KAZN: variants seen among roughly 807,000 people sequenced by gnomAD.
The protein encoded by KAZN is kazrin, periplakin interacting protein.
In KAZN, 40 loss-of-function variants were observed where a neutral mutation model predicts 87.4. The observed-to-expected ratio is 0.46, with a 90% CI of 0.36 to 0.60. The LOEUF (loss-of-function observed/expected upper bound fraction) is 0.60. Among genes scored for constraint, KAZN ranks in the 20% least tolerant of loss-of-function variants. The probability of loss-of-function intolerance (pLI) is 0.00; values close to 1 mark genes in which losing one functional copy is unlikely to be tolerated. For synonymous variants in KAZN, 466 were observed against 458.3 expected (o/e 1.02, Z -0.22); for missense variants, 898 against 1,073.9 (o/e 0.84, Z 2.29).
At chr1:13,909,962 G>A (rs1639589951) in intron 1 of KAZN, among the ~76,000 whole-genome samples, 1 of 152,174 alleles carries the variant, frequency 6.6e-6, no homozygotes, top group Non-Finnish European at 1.5e-5. Flanking sequence ...CCTGAGTGGA[G>A]AAGGCTGATT....
At chr1:14,092,857 C>A (rs1332520535) in intron 1 of KAZN, among the ~76,000 whole-genome samples, 1 of 152,090 alleles carries the variant, frequency 6.6e-6, no homozygotes, top group Non-Finnish European at 1.5e-5. Flanking sequence ...TTTTTCTGTG[C>A]TATTAAAGTT....
chr1:15,034,722 G>A (rs771989855), intron 2 of KAZN, 27 bp from the exon 3 acceptor site: 2 of 1,613,592 alleles, frequency 1.2e-6, no homozygotes, highest in Middle Eastern at 1.7e-4. Flanking sequence ...TGGGGTCTTG[G>A]GAACTAACTC....
intron 1 of KAZN, among the ~76,000 whole-genome samples, chr1:14,917,328 T>A (rs1657919786): frequency 6.6e-6 from 1 of 152,094 alleles, no homozygotes. Context: ...GAAGAGGAGA[T>A]CAGCACCATC....
chr1:14,233,674 T>C (rs995739864), intron 2 of KAZN, among the ~76,000 whole-genome samples: 1 of 152,210 alleles, frequency 6.6e-6, no homozygotes, highest in African/African-American at 2.4e-5. Context: ...TTCTTAATAA[T>C]GCAAATGCAG....
intron 1 of KAZN, among the ~76,000 whole-genome samples, chr1:14,635,192 G>T (rs1679874955): frequency 6.6e-6 from 1 of 152,214 alleles, no homozygotes; most frequent in Non-Finnish European, 1.5e-5. Context: ...GATTAGGGAG[G>T]TGCACAGTTC....
intron 2 of KAZN, among the ~76,000 whole-genome samples, chr1:15,026,230 G>A (rs922249268): frequency 6.6e-6 from 1 of 152,162 alleles, no homozygotes; most frequent in Admixed American, 6.5e-5. Flanking sequence ...GCCACGGGGA[G>A]CTGGAAGATA....
chr1:13,978,863 G>T lies in KAZN; in HGVS notation c.91+85107G>T, dbSNP rs148820141. On this transcript the variant is annotated intron_variant, in intron 1 of 16. Coordinates refer to the KAZN transcript ENST00000636203. The stretch of plus-strand genomic sequence containing the variant: ...TGCCTATAAGCCTAGCATTTTGGGA[G>T]GCTGAGGTGGGAGGATCGCTTGAGC... Among the ~76,000 whole-genome samples, 781 of 152,184 alleles carry T rather than the reference G, an allele frequency of 5.1e-3. 7 individuals carry two copies. Among genetic ancestry groups the T allele is most frequent in the African/African-American group, 0.018 (752 of 41,510 alleles).
Position 15,094,668 on chromosome 1 carries a change from T to C in KAZN, c.1429-147T>C. 3 of 654,362 alleles carry C rather than the reference T, an allele frequency of 4.6e-6. No individual in the cohort carries two copies. Among genetic ancestry groups the C allele is most frequent in the Non-Finnish European group, 5.2e-6 (2 of 382,710 alleles). The allele number at this position is 654,362 out of a possible 1,614,324, so 40.5% of individuals were successfully genotyped here. A position where few individuals can be genotyped will look rare whatever the true frequency, so the allele number is the denominator to read the frequency against. Reference sequence around the variant, plus strand: ...CAGGGATTCCGCCCCACATCAGAGTTGCAGAGGTTTCCATGTGCCCTGACC... The same window carrying C: ...CAGGGATTCCGCCCCACATCAGAGTCGCAGAGGTTTCCATGTGCCCTGACC... On this transcript the variant is annotated intron_variant, in intron 9 of 14. Coordinates refer to ENST00000376030, the MANE Select transcript of KAZN (RefSeq NM_201628.3). The surrounding 1 kb of genome is among the most constrained non-coding windows in gnomAD (Gnocchi z 4.5).
chr1:14,489,594 C>A (rs1301873773), intron 2 of KAZN, among the ~76,000 whole-genome samples: 1 of 151,928 alleles, frequency 6.6e-6, no homozygotes, highest in Non-Finnish European at 1.5e-5. Flanking sequence ...CTTAGCTGGC[C>A]ATGGTGGCAC....
intron 2 of KAZN, among the ~76,000 whole-genome samples, chr1:14,193,079 A>G (rs1274853867): frequency 6.6e-6 from 1 of 152,052 alleles, no homozygotes; most frequent in Non-Finnish European, 1.5e-5. Flanking sequence ...TTCTCAAAAG[A>G]TCTGATGGTT....
chr1:14,728,212 G>A (rs1297281626), intron 1 of KAZN, among the ~76,000 whole-genome samples: 1 of 149,604 alleles, frequency 6.7e-6, no homozygotes, highest in Admixed American at 6.7e-5. Flanking sequence ...CTTGAACTTG[G>A]GAGGCGGAGG....
intron 4 of KAZN, among the ~76,000 whole-genome samples, chr1:15,044,471 T>C (rs1557748923): frequency 6.6e-6 from 1 of 152,028 alleles, no homozygotes; most frequent in Non-Finnish European, 1.5e-5. Context: ...AAAAAAGGCC[T>C]AGTGCAGTGG....
chr1:14,842,658 G>T (rs545791466), intron 1 of KAZN, among the ~76,000 whole-genome samples: 1 of 152,342 alleles, frequency 6.6e-6, no homozygotes, highest in South Asian at 2.1e-4. Flanking sequence ...CCTTCATGCT[G>T]CAGTATCATT....
At chr1:14,915,316 G>A (rs187354889) in intron 1 of KAZN, among the ~76,000 whole-genome samples, 245 of 152,332 alleles carry the variant, frequency 1.6e-3, no homozygotes, top group Admixed American at 2.7e-3. Flanking sequence ...TTTAAGTAAG[G>A]AGTCTCCAGC....
Position 15,094,721 on chromosome 1 carries a change from G to T in KAZN, c.1429-94G>T. 11 of 865,598 alleles carry T rather than the reference G, an allele frequency of 1.3e-5. No homozygotes were observed. In the South Asian group the frequency reaches 1.8e-4, roughly 14 times the overall value. The allele number at this position is 865,598 out of a possible 1,614,324, so 53.6% of individuals were successfully genotyped here. On this transcript the variant is annotated intron_variant, in intron 9 of 14. Transcript: ENST00000376030. The surrounding 1 kb of genome is among the most constrained non-coding windows in gnomAD (Gnocchi z 4.5). ...ACTGTATGAAAGGTGGGCAGGAGAT[G>T]GGGAAGGAGCCCCATGTCAACAGAC...
At chr1:14,465,809 T>G (rs564073765) in intron 2 of KAZN, among the ~76,000 whole-genome samples, 4 of 152,212 alleles carry the variant, frequency 2.6e-5, no homozygotes, top group Non-Finnish European at 5.9e-5. Context: ...AAATAAAAAA[T>G]GTCTTATAAT....
intron 2 of KAZN, among the ~76,000 whole-genome samples, chr1:14,430,249 CT>C (rs932605941): frequency 6.7e-6 from 1 of 149,474 alleles, no homozygotes; most frequent in Non-Finnish European, 1.5e-5. Flanking sequence ...TCTTTGCCTA[CT>C]TTTTTTTCCT....
rs977258866 is a variant in KAZN, at chr1:15,077,317, C to G, written c.1222+11564C>G. ...TTCCCCTGCGTGTGGAGTCCCCGGG[C>G]CTGCCTGGCTGTAGGCGCCCATCTC... On this transcript the variant is annotated intron_variant, in intron 8 of 14. Coordinates refer to ENST00000376030, the MANE Select transcript of KAZN (RefSeq NM_201628.3). The surrounding 1 kb of genome is among the most constrained non-coding windows in gnomAD (Gnocchi z 4.8). 2.0e-5 allele frequency among the ~76,000 whole-genome samples: 3 copies of G among 152,130 alleles called. No individual in the cohort carries two copies. Among genetic ancestry groups the G allele is most frequent in the African/African-American group, 7.2e-5 (3 of 41,440 alleles).
At chr1:14,691,435 G>C (rs781557660) in intron 1 of KAZN, among the ~76,000 whole-genome samples, 6 of 152,150 alleles carry the variant, frequency 3.9e-5, no homozygotes, top group Non-Finnish European at 5.9e-5. Flanking sequence ...AAGAATAACA[G>C]TATTAACAGA....
Sources: allele counts gnomAD v4.1 joint callset (sites outside exome capture counted in the v4.1 genomes callset), GRCh38; gene constraint gnomAD v4.1.1; non-coding constraint Gnocchi (gnomAD v3.1); transcripts MANE v1.5; gene names NCBI Gene and HGNC (gene_info 2026-07-23, HGNC 2026-07-21).